Variants in EXT1 observed in about 807,000 individuals in gnomAD.
EXT1 encodes the protein exostosin-1.
In EXT1, 20 loss-of-function variants were observed where a neutral mutation model predicts 82.5. That is an observed-to-expected ratio of 0.24 (90% confidence interval 0.17 to 0.35). The LOEUF is 0.35. EXT1 is among the 10% of genes least tolerant of loss of function. EXT1 has a pLI of 1.00. For missense variants in EXT1, 757 were observed against 936.5 expected, an observed-to-expected ratio of 0.81 and a Z score of 2.50; for synonymous variants, 348 against 350.8, an observed-to-expected ratio of 0.99 and a Z score of 0.09.
chr8:117,902,309 A>G (rs555530620), intron 1 of EXT1, among the ~76,000 whole-genome samples: 1 of 152,310 alleles, frequency 6.6e-6, no homozygotes, highest in Non-Finnish European at 1.5e-5. Context: ...AAAAAACTAT[A>G]GTATAGTAAA....
rs913255394 is a variant in EXT1 at position 117,821,490 on chromosome 8, A to G, written c.1417+975T>C. The stretch of plus-strand genomic sequence containing the variant: ...TGTCAACCAGTGCCTTAATCTGACA[A>G]TTTCTAAATTCTGTTACCCAAATGT... On this transcript the variant is annotated intron_variant, in intron 5 of 10. Transcript: ENST00000378204. 1.8e-4 allele frequency among the ~76,000 whole-genome samples: 27 copies of G among 152,186 alleles called. 1 individual carries two copies. Among genetic ancestry groups the G allele is most frequent in the African/African-American group, 3.4e-4 (14 of 41,450 alleles).
At chr8:117,979,907 C>G (rs1815150666) in intron 1 of EXT1, among the ~76,000 whole-genome samples, 1 of 152,144 alleles carries the variant, frequency 6.6e-6, no homozygotes, top group Non-Finnish European at 1.5e-5. Flanking sequence ...TGTCTGCTCC[C>G]CCAATATTTC....
At chr8:117,912,282 G>GC (rs1236198318) in intron 1 of EXT1, among the ~76,000 whole-genome samples, 6 of 152,134 alleles carry the variant, frequency 3.9e-5, no homozygotes, top group Admixed American at 3.3e-4. Flanking sequence ...ATTAGAGATT[G>GC]CCTCAACAAT....
chr8:117,916,980 T>C lies in EXT1; in HGVS notation c.963-79779A>G, dbSNP rs1039604267. Among the ~76,000 whole-genome samples the C allele has an allele frequency of 1.5e-4, 23 of 152,068 alleles. No homozygotes were observed. The South Asian group carries it at 2.5e-3, about 16-fold the overall frequency. ...AAGAAAAAGCTACTTCAGAAGGTAA[T>C]AGATAAGAAGAAACATATAGGTAAT... On this transcript the variant is annotated intron_variant, in intron 1 of 10. Coordinates refer to ENST00000378204, the MANE Select transcript of EXT1 (RefSeq NM_000127.3).
chr8:118,070,115 T>C (rs1817061989), intron 1 of EXT1, among the ~76,000 whole-genome samples: 1 of 152,160 alleles, frequency 6.6e-6, no homozygotes, highest in Non-Finnish European at 1.5e-5. Flanking sequence ...ATTTATACAG[T>C]AATGTAACAC....
At chr8:117,824,835 A>ATTC (rs959841692) in intron 4 of EXT1, among the ~76,000 whole-genome samples, 1 of 151,836 alleles carries the variant, frequency 6.6e-6, no homozygotes, top group African/African-American at 2.4e-5. Flanking sequence ...AGGATTGATT[A>ATTC]TTCTTCTTCT....
chr8:117,952,754 G>GAA (rs201825732), intron 1 of EXT1, among the ~76,000 whole-genome samples: 6 of 142,310 alleles, frequency 4.2e-5, no homozygotes, highest in African/African-American at 1.0e-4. Context: ...CAGGGAGACT[G>GAA]AAAAAAAAAA....
At chr8:118,043,247 G>A (rs1005988901) in intron 1 of EXT1, among the ~76,000 whole-genome samples, 4 of 152,198 alleles carry the variant, frequency 2.6e-5, no homozygotes, top group Non-Finnish European at 5.9e-5. Flanking sequence ...CAGTCCACGT[G>A]GGCCATGGCC....
intron 1 of EXT1, among the ~76,000 whole-genome samples, chr8:117,840,043 C>T (rs1812249424): frequency 6.6e-6 from 1 of 152,176 alleles, no homozygotes; most frequent in Non-Finnish European, 1.5e-5. Context: ...CCACTCTCCC[C>T]AGCAAAACAG....
intron 1 of EXT1, among the ~76,000 whole-genome samples, chr8:118,058,603 T>G (rs1250862570): frequency 2.0e-5 from 3 of 152,222 alleles, no homozygotes; most frequent in Admixed American, 6.5e-5. Context: ...TGAGAAGAAC[T>G]AGAATTTTTT....
At chr8:117,918,319 T>C (rs562692055) in intron 1 of EXT1, among the ~76,000 whole-genome samples, 22 of 152,344 alleles carry the variant, frequency 1.4e-4, no homozygotes, top group Non-Finnish European at 2.8e-4. Flanking sequence ...AGGAATATTA[T>C]AGATTCTGCC....
chr8:117,823,433 A>G, intron 4 of EXT1, among the ~76,000 whole-genome samples: 1 of 151,480 alleles, frequency 6.6e-6, no homozygotes, highest in East Asian at 1.9e-4. Flanking sequence ...TATACCATCC[A>G]CTCATTAGAA....
intron 1 of EXT1, among the ~76,000 whole-genome samples, chr8:118,000,747 T>C (rs1425068777): frequency 6.6e-6 from 1 of 152,108 alleles, no homozygotes; most frequent in Non-Finnish European, 1.5e-5. Context: ...TAGCTGTAAC[T>C]AGAAATAGAG....
chr8:118,110,034 C>A, intron 1 of EXT1, 51 bp downstream of exon 1: 38 of 1,612,150 alleles, frequency 2.4e-5, no homozygotes, highest in Non-Finnish European at 3.1e-5. Flanking sequence ...TGGACCAAGG[C>A]CGGCAGAGCC....
intron 1 of EXT1, among the ~76,000 whole-genome samples, chr8:118,023,893 A>G (rs924146982): frequency 1.7e-4 from 26 of 152,230 alleles, no homozygotes; most frequent in Non-Finnish European, 4.4e-5. Context: ...TTCTTCCTGC[A>G]TATTTGTTCA....
Position 118,024,998 on chromosome 8 carries a change from T to C in EXT1, c.962+85087A>G, listed in dbSNP as rs769591909. Among the ~76,000 whole-genome samples the C allele has an allele frequency of 3.9e-4, 60 of 152,250 alleles. 2 individuals carry two copies. The highest frequency in any genetic ancestry group is 8.8e-5 in the Non-Finnish European group (6 of 68,042). Reference sequence around the variant, plus strand: ...GTGTGTTTCTATGTACGTGTATGTATGAATCCTTATCTATGCATGAAGTAT... The same window carrying C: ...GTGTGTTTCTATGTACGTGTATGTACGAATCCTTATCTATGCATGAAGTAT... On this transcript the variant is annotated intron_variant, in intron 1 of 10. Transcript: ENST00000378204.
rs745312417 is a variant in EXT1, at chr8:117,810,725, G to T, written c.1722+2147C>A. Among the ~76,000 whole-genome samples the T allele has an allele frequency of 1.1e-4, 16 of 152,154 alleles. 1 individual carries two copies. Among genetic ancestry groups the T allele is most frequent in the Non-Finnish European group, 2.9e-5 (2 of 68,016 alleles). The stretch of plus-strand genomic sequence containing the variant: ...CATGGCGGTGTGCTGCTTTGCCTGT[G>T]TTTGCCCTCCAAAATCCACTATCCA... On this transcript the variant is annotated intron_variant, in intron 8 of 10. Coordinates refer to ENST00000378204, the MANE Select transcript of EXT1 (RefSeq NM_000127.3).
intron 1 of EXT1, among the ~76,000 whole-genome samples, chr8:117,842,748 C>G (rs1398036490): frequency 6.6e-6 from 1 of 152,234 alleles, no homozygotes; most frequent in Non-Finnish European, 1.5e-5. Flanking sequence ...CACAACAGAA[C>G]AGCAGCTTCT....
chr8:117,960,017 C>G (rs1486881014), intron 1 of EXT1, among the ~76,000 whole-genome samples: 1 of 152,146 alleles, frequency 6.6e-6, no homozygotes, highest in East Asian at 1.9e-4. Flanking sequence ...TTGAGACCAG[C>G]CTGACCAACA....
Sources: allele counts gnomAD v4.1 joint callset (sites outside exome capture counted in the v4.1 genomes callset), GRCh38; gene constraint gnomAD v4.1.1; transcripts MANE v1.5; gene names NCBI Gene and HGNC (gene_info 2026-07-23, HGNC 2026-07-21).